Variants in VSTM2B observed in about 807,000 individuals in gnomAD.
VSTM2B encodes the protein V-set and transmembrane domain-containing protein 2B.
In VSTM2B, 24 loss-of-function variants were observed where a neutral mutation model predicts 24.0. The ratio of observed to expected loss-of-function variants is 1.00; its 90% CI spans 0.72 to 1.40. The LOEUF (loss-of-function observed/expected upper bound fraction) is 1.40. Ranked by LOEUF, VSTM2B falls within the 40% of genes most tolerant of loss-of-function variation. The pLI, the probability that VSTM2B is intolerant of heterozygous loss-of-function variation, is 0.00. For synonymous variants in VSTM2B, 226 were observed against 194.4 expected (o/e 1.16, Z -1.35); for missense variants, 399 against 416.4 (o/e 0.96, Z 0.36).
At position 29,528,418 on chromosome 19, in the gene VSTM2B, C is replaced by G; in HGVS notation, c.268-15C>G. The G allele has an allele frequency of 3.2e-6, 5 of 1,551,206 alleles. No homozygotes were observed. Among genetic ancestry groups the G allele is most frequent in the Non-Finnish European group, 4.4e-6 (5 of 1,146,932 alleles). The stretch of plus-strand genomic sequence containing the variant: ...CCGCGAGCCTCACGTCTCTCTCTCC[C>G]TCTTTGCATTTTAGGTAACAAATAA... On this transcript the variant is annotated splice_polypyrimidine_tract_variant and intron_variant, in intron 2 of 4. Coordinates refer to ENST00000335523, the MANE Select transcript of VSTM2B (RefSeq NM_001146339.2).
At chr19:29,551,625 G>A (rs1352207411) in intron 4 of VSTM2B, among the ~76,000 whole-genome samples, 1 of 152,162 alleles carries the variant, frequency 6.6e-6, no homozygotes, top group Non-Finnish European at 1.5e-5. Flanking sequence ...TTTAAGAAGA[G>A]TGATTAGCAA....
intron 4 of VSTM2B, among the ~76,000 whole-genome samples, chr19:29,557,591 C>T (rs1294397614): frequency 1.3e-5 from 2 of 151,786 alleles, no homozygotes; most frequent in African/African-American, 2.4e-5. Flanking sequence ...CCCAGCTACT[C>T]AGGGCGCTGA....
Position 29,527,378 on chromosome 19 carries a change from C to T in VSTM2B, c.250C>T (p.Pro84Ser), listed in dbSNP as rs1451293578. The change falls in exon 2 of 5, where the codon CCG becomes TCG. Residue 84 changes from proline to serine, a missense_variant. Coordinates refer to ENST00000335523, the MANE Select transcript of VSTM2B (RefSeq NM_001146339.2). Reference sequence around the variant, plus strand: ...GCTGCACGAGCTGGCGCTCAGCGTGCCGGGCGCCCGGAGCAAGGTAACCCG... The same window carrying T: ...GCTGCACGAGCTGGCGCTCAGCGTGTCGGGCGCCCGGAGCAAGGTAACCCG... ...ELLHELALSV[P>S]GARSKVTNKD... 3 of 1,539,460 alleles carry T rather than the reference C, an allele frequency of 1.9e-6. No individual in the cohort carries two copies. Among genetic ancestry groups the T allele is most frequent in the Non-Finnish European group, 2.6e-6 (3 of 1,143,790 alleles).
At chr19:29,541,175 T>C (rs188421832) in intron 4 of VSTM2B, among the ~76,000 whole-genome samples, 130 of 152,296 alleles carry the variant, frequency 8.5e-4, no homozygotes, top group African/African-American at 2.8e-3. Flanking sequence ...TCAGGAAGCT[T>C]TGACTTTATC....
In VSTM2B at chr19:29,530,034, G is replaced by C; in HGVS notation, c.513G>C (p.Pro171=). ...EAVSHIQSSG[P]RRHGPASAAN... is the part of the protein sequence containing the mutation. ...TGTCCCACATCCAGAGCAGCGGCCCGCGTCGCCACGGCCCAGCCAGCGCCG... is the reference window on the plus strand; with the variant it reads ...TGTCCCACATCCAGAGCAGCGGCCCCCGTCGCCACGGCCCAGCCAGCGCCG... The change falls in exon 4 of 5, where the codon CCG becomes CCC. Residue 171 remains proline (P), a synonymous_variant. Transcript: ENST00000335523. The C allele has an allele frequency of 6.5e-7, 1 of 1,528,434 alleles. No homozygotes were observed. The highest frequency in any genetic ancestry group is 8.7e-7 in the Non-Finnish European group (1 of 1,142,980). 94.7% of individuals were successfully genotyped at this position (1,528,434 alleles called of 1,614,324 possible).
intron 4 of VSTM2B, among the ~76,000 whole-genome samples, chr19:29,551,363 T>G (rs1221650523): frequency 6.6e-6 from 1 of 151,752 alleles, no homozygotes; most frequent in Non-Finnish European, 1.5e-5. Context: ...TATTGCTTTC[T>G]GGCAGGGATT....
chr19:29,530,136 G>T lies in VSTM2B; in HGVS notation c.615G>T (p.Gly205=), dbSNP rs1969705084. The part of the protein sequence containing the change: ...PGRGDKSPPP[G]SPPAAIDPAV... ...GCGGCGACAAGAGCCCGCCGCCCGG[G>T]AGCCCTCCCGCCGCCATCGATCCCG... The change falls in exon 4 of 5, where the codon GGG becomes GGT. Residue 205 remains glycine (G), a synonymous_variant. Transcript: ENST00000335523. 1 of 1,460,538 alleles carries T rather than the reference G, an allele frequency of 6.8e-7. No individual in the cohort carries two copies. The highest frequency in any genetic ancestry group is 9.0e-7 in the Non-Finnish European group (1 of 1,113,292). 90.5% of individuals were successfully genotyped at this position (1,460,538 alleles called of 1,614,324 possible).
intron 4 of VSTM2B, among the ~76,000 whole-genome samples, chr19:29,562,334 G>C (rs1448749102): frequency 6.6e-6 from 1 of 152,216 alleles, no homozygotes; most frequent in Non-Finnish European, 1.5e-5. Context: ...CCTGGAGAGA[G>C]GAGAGCTGTG....
At chr19:29,558,299 T>C (rs1208193668) in intron 4 of VSTM2B, among the ~76,000 whole-genome samples, 2 of 152,192 alleles carry the variant, frequency 1.3e-5, no homozygotes. Context: ...GGAAACAGTG[T>C]GGTGATTCCT....
At chr19:29,535,000 C>T (rs895141743) in intron 4 of VSTM2B, among the ~76,000 whole-genome samples, 1 of 152,202 alleles carries the variant, frequency 6.6e-6, no homozygotes, top group Non-Finnish European at 1.5e-5. Flanking sequence ...GTACCTAATA[C>T]ACCCAAATAC....
intron 4 of VSTM2B, among the ~76,000 whole-genome samples, chr19:29,558,460 C>A (rs2145514954): frequency 6.6e-6 from 1 of 152,236 alleles, no homozygotes. Flanking sequence ...GGAATCAACC[C>A]AAACGCCCAT....
At chr19:29,553,063 G>A (rs949706009) in intron 4 of VSTM2B, among the ~76,000 whole-genome samples, 7 of 152,100 alleles carry the variant, frequency 4.6e-5, no homozygotes, top group Non-Finnish European at 1.0e-4. Flanking sequence ...TGGGCAGTCT[G>A]GACAAGTGAG....
chr19:29,542,053 C>T (rs149976285), intron 4 of VSTM2B, among the ~76,000 whole-genome samples: 98 of 129,120 alleles, frequency 7.6e-4, no homozygotes, highest in African/African-American at 2.7e-3. Context: ...GATGGGAGAA[C>T]GAATGGATGG....
Position 29,563,897 on chromosome 19 carries a change from C to T in VSTM2B, c.821C>T (p.Ala274Val), listed in dbSNP as rs1036290014. The T allele has an allele frequency of 1.3e-6, 2 of 1,552,248 alleles. No individual in the cohort carries two copies. The highest frequency in any genetic ancestry group is 2.4e-5 in the East Asian group (1 of 40,938). The change falls in exon 5 of 5, where the codon GCT (alanine) becomes GTT (valine). Residue 274 changes from alanine to valine, a missense_variant. Coordinates refer to ENST00000335523, the MANE Select transcript of VSTM2B (RefSeq NM_001146339.2). Reference sequence around the variant, plus strand: ...CCACTCTTGTCCCTGCTCCTGTTAGCTCTGCATAAGTTCCTGCGCCTGCTC... The same window carrying T: ...CCACTCTTGTCCCTGCTCCTGTTAGTTCTGCATAAGTTCCTGCGCCTGCTC... ...TDPLLSLLLL[A>V]LHKFLRLLLG... is the part of the protein sequence containing the mutation.
intron 4 of VSTM2B, among the ~76,000 whole-genome samples, chr19:29,537,151 G>T (rs1969909389): frequency 6.6e-6 from 1 of 152,178 alleles, no homozygotes; most frequent in African/African-American, 2.4e-5. Flanking sequence ...AAGTCAGCAG[G>T]CTCAGCCCCT....
intron 3 of VSTM2B, 25 bp from the exon 4 acceptor site, chr19:29,529,793 CG>C: frequency 6.5e-7 from 1 of 1,543,928 alleles, no homozygotes; most frequent in Non-Finnish European, 8.7e-7. Context: ...CTGCCCAGCC[CG>C]GCCTCTAACC....
intron 4 of VSTM2B, among the ~76,000 whole-genome samples, chr19:29,556,253 C>T (rs879917500): frequency 8.6e-5 from 13 of 151,652 alleles, no homozygotes; most frequent in Admixed American, 3.9e-4. Context: ...ATGCACAAAA[C>T]ATAATTCTAA....
rs768417641 is a variant in VSTM2B at position 29,529,812 on chromosome 19, C to T, written c.298-7C>T. ...CCAGCCCGGCCTCTAACCCTGCTCTCTTGCAGACCGTACGCGTCCAGGGCA... is the reference window on the plus strand; with the variant it reads ...CCAGCCCGGCCTCTAACCCTGCTCTTTTGCAGACCGTACGCGTCCAGGGCA... On this transcript the variant is annotated splice_region_variant and splice_polypyrimidine_tract_variant and intron_variant, in intron 3 of 4. Coordinates refer to ENST00000335523, the MANE Select transcript of VSTM2B (RefSeq NM_001146339.2). 3.2e-6 allele frequency: 5 copies of T among 1,548,830 alleles called. No homozygotes were observed. The South Asian group carries it at 4.8e-5, about 15-fold the overall frequency.
intron 4 of VSTM2B, among the ~76,000 whole-genome samples, chr19:29,550,119 A>C (rs734837): frequency 0.41 from 63,013 of 152,148 alleles, 13,605 homozygotes; most frequent in Middle Eastern, 0.57. Context: ...TTTCTAGCCA[A>C]GAAGCCCTTG....
Sources: gnomAD v4.1 joint callset for allele counts (sites outside exome capture counted in the v4.1 genomes callset) on GRCh38, gnomAD v4.1.1 for gene constraint, MANE v1.5 for transcripts, NCBI Gene and HGNC (gene_info 2026-07-23, HGNC 2026-07-21) for gene names.